Variants in MDFIC2 observed in about 807,000 individuals in gnomAD.
MDFIC2 encodes the protein MyoD family inhibitor domain containing 2, also known as myoD family inhibitor domain-containing protein 2.
rs1240759764 is a variant in MDFIC2, at chr3:70,196,650, C to T, written c.*276G>A. On this transcript the variant is annotated 3_prime_UTR_variant, in exon 4 of 4. Coordinates refer to ENST00000567252, the MANE Select transcript of MDFIC2 (RefSeq NM_001364677.1). ...AACATGCTATTTTATAGTCAAGAAA[C>T]ATCTTGTACCTACAGCATTTAAGAG... is the stretch of plus-strand genomic sequence containing the variant. Among the ~76,000 whole-genome samples, 1 of 152,174 alleles carries T rather than the reference C, an allele frequency of 6.6e-6. No individual in the cohort carries two copies. Among genetic ancestry groups the T allele is most frequent in the East Asian group, 1.9e-4 (1 of 5,188 alleles).
chr3:70,199,250 G>A (rs1210280613), intron 3 of MDFIC2, among the ~76,000 whole-genome samples: 10 of 152,118 alleles, frequency 6.6e-5, no homozygotes, highest in African/African-American at 2.2e-4. Flanking sequence ...GGACCTGTTC[G>A]TAAAGTGGTC....
rs541263674 is a variant in MDFIC2 at position 70,196,265 on chromosome 3, A to G, written c.*661T>C. On this transcript the variant is annotated 3_prime_UTR_variant, in exon 4 of 4. Coordinates refer to ENST00000567252, the MANE Select transcript of MDFIC2 (RefSeq NM_001364677.1). Reference sequence around the variant, plus strand: ...GACATAGTCATAGACATACAATAATATGGTCTAGAATTATAGTACTCTCTT... The same window carrying G: ...GACATAGTCATAGACATACAATAATGTGGTCTAGAATTATAGTACTCTCTT... Among the ~76,000 whole-genome samples the G allele has an allele frequency of 1.2e-3, 180 of 152,296 alleles. No homozygotes were observed. The highest frequency in any genetic ancestry group is 2.3e-3 in the Non-Finnish European group (159 of 68,022).
At chr3:70,263,456 G>C (rs527971534) in intron 2 of MDFIC2, among the ~76,000 whole-genome samples, 2 of 152,202 alleles carry the variant, frequency 1.3e-5, no homozygotes, top group South Asian at 4.1e-4. Flanking sequence ...TTGTGACCCT[G>C]AATGCTCCCA....
At chr3:70,260,602 T>C (rs566793034) in intron 2 of MDFIC2, among the ~76,000 whole-genome samples, 45 of 152,148 alleles carry the variant, frequency 3.0e-4, no homozygotes, top group African/African-American at 9.9e-4. Context: ...TATTAATCTT[T>C]CCTTTCAGGT....
intron 2 of MDFIC2, among the ~76,000 whole-genome samples, chr3:70,294,802 G>C (rs1011682540): frequency 6.6e-6 from 1 of 152,006 alleles, no homozygotes; most frequent in African/African-American, 2.4e-5. Context: ...GCTCAGTCTG[G>C]CTTCTCTTAT....
intron 2 of MDFIC2, among the ~76,000 whole-genome samples, chr3:70,224,761 A>G (rs1240108178): frequency 1.3e-5 from 2 of 151,850 alleles, no homozygotes; most frequent in African/African-American, 4.8e-5. Flanking sequence ...GCAAAATGCT[A>G]TTTCCAATTT....
chr3:70,244,755 T>C (rs887209110), intron 2 of MDFIC2, among the ~76,000 whole-genome samples: 2 of 152,202 alleles, frequency 1.3e-5, no homozygotes, highest in African/African-American at 4.8e-5. Flanking sequence ...GTACTTATAT[T>C]TTGTGCATGT....
At chr3:70,223,569 G>T (rs1395888765) in intron 2 of MDFIC2, among the ~76,000 whole-genome samples, 1 of 152,140 alleles carries the variant, frequency 6.6e-6, no homozygotes, top group Non-Finnish European at 1.5e-5. Context: ...CACCAAAAAT[G>T]AGAACTTGAT....
chr3:70,304,836 GACC>G (rs908215219), intron 2 of MDFIC2, among the ~76,000 whole-genome samples: 4 of 152,044 alleles, frequency 2.6e-5, no homozygotes, highest in African/African-American at 4.8e-5. Context: ...ATTCCCAACT[GACC>G]AACAAGGTTC....
chr3:70,211,322 C>T (rs1424898870), intron 2 of MDFIC2, among the ~76,000 whole-genome samples: 1 of 93,676 alleles, frequency 1.1e-5, no homozygotes, highest in East Asian at 3.6e-4. Flanking sequence ...CCTTCCCTTT[C>T]CTTCCTTTCC....
chr3:70,273,685 C>T (rs1420329077), intron 2 of MDFIC2, among the ~76,000 whole-genome samples: 8 of 152,214 alleles, frequency 5.3e-5, no homozygotes, highest in African/African-American at 1.7e-4. Context: ...GCTGCCATTA[C>T]TCAGGCCTGT....
chr3:70,240,929 A>T (rs1263772837), intron 2 of MDFIC2, among the ~76,000 whole-genome samples: 2 of 152,208 alleles, frequency 1.3e-5, no homozygotes, highest in African/African-American at 4.8e-5. Context: ...ATAAAAGTTG[A>T]TTCATCATTT....
In MDFIC2 at chr3:70,226,687, G is replaced by A. The variant is rs184414691; in HGVS notation, c.89-19897C>T. Among the ~76,000 whole-genome samples the A allele has an allele frequency of 1.7e-4, 25 of 147,524 alleles. No individual in the cohort carries two copies. The East Asian group carries it at 2.0e-3, about 12-fold the overall frequency. ...TGGGAAGCGGAGGTTGCAGTGAGCC[G>A]ATATCGTGCCACTCCACTCCAGCCT... On this transcript the variant is annotated intron_variant, in intron 2 of 3. Coordinates refer to ENST00000567252, the MANE Select transcript of MDFIC2 (RefSeq NM_001364677.1).
chr3:70,294,531 A>T (rs1575618548), intron 2 of MDFIC2, among the ~76,000 whole-genome samples: 1 of 152,138 alleles, frequency 6.6e-6, no homozygotes, highest in African/African-American at 2.4e-5. Context: ...TAAAATAATA[A>T]TAGTAGTCAT....
chr3:70,308,441 T>G (rs766428787), intron 2 of MDFIC2, among the ~76,000 whole-genome samples: 1 of 152,110 alleles, frequency 6.6e-6, no homozygotes, highest in Non-Finnish European at 1.5e-5. Context: ...AATGAATGAT[T>G]TTTTGGGTCT....
chr3:70,239,142 C>T (rs564899343), intron 2 of MDFIC2, among the ~76,000 whole-genome samples: 17 of 152,116 alleles, frequency 1.1e-4, no homozygotes, highest in Non-Finnish European at 2.1e-4. Flanking sequence ...CAGTTCTATT[C>T]AATTTGCAAT....
rs1701186914 is a variant in MDFIC2, at chr3:70,196,901, G to A, written c.*25C>T. ...ATTTCCCACCGTGGCCAAAAGGACT[G>A]CCGGAATGTGGTTACTTCACTGTGC... On this transcript the variant is annotated 3_prime_UTR_variant, in exon 4 of 4. Transcript: ENST00000567252. 1 of 398,494 alleles carries A rather than the reference G, an allele frequency of 2.5e-6. No homozygotes were observed. Among genetic ancestry groups the A allele is most frequent in the Non-Finnish European group, 4.4e-6 (1 of 225,986 alleles). 24.7% of individuals were successfully genotyped at this position (398,494 alleles called of 1,614,324 possible). A position where few individuals can be genotyped will look rare whatever the true frequency, so the allele number is the denominator to read the frequency against.
chr3:70,265,868 A>C (rs532369030), intron 2 of MDFIC2, among the ~76,000 whole-genome samples: 36 of 152,188 alleles, frequency 2.4e-4, no homozygotes, highest in Non-Finnish European at 4.6e-4. Flanking sequence ...TAAAACCATC[A>C]GATCTCATGA....
chr3:70,276,288 T>C (rs1434840082), intron 2 of MDFIC2, among the ~76,000 whole-genome samples: 1 of 152,216 alleles, frequency 6.6e-6, no homozygotes, highest in Non-Finnish European at 1.5e-5. Context: ...TCTTCCAATT[T>C]TATATACTGT....
Sources: allele counts gnomAD v4.1 joint callset (sites outside exome capture counted in the v4.1 genomes callset), GRCh38; gene constraint gnomAD v4.1.1; transcripts MANE v1.5; gene names NCBI Gene and HGNC (gene_info 2026-07-23, HGNC 2026-07-21).